NAALADL2: variants seen among roughly 807,000 people sequenced by gnomAD.
NAALADL2 encodes N-acetylated alpha-linked acidic dipeptidase like 2.
NAALADL2 carries 76 observed loss-of-function variants against 87.2 expected under a neutral mutation model. That is an observed-to-expected ratio of 0.87 (90% CI 0.72 to 1.05). The LOEUF is 1.05. Ranked by LOEUF, NAALADL2 falls within the 50% of genes least tolerant of loss-of-function variation. The pLI, the probability that NAALADL2 is intolerant of heterozygous loss-of-function variation, is 0.00. For synonymous variants in NAALADL2, 354 were observed against 331.0 expected (o/e 1.07, Z -0.75); for missense variants, 1,089 against 945.8 (o/e 1.15, Z -1.99).
chr3:174,937,139 T>G (rs764630582), intron 1 of NAALADL2, among the ~76,000 whole-genome samples: 1 of 152,052 alleles, frequency 6.6e-6, no homozygotes, highest in Non-Finnish European at 1.5e-5. Flanking sequence ...GCTCTAAGAA[T>G]TTTAACACTT....
intron 9 of NAALADL2, among the ~76,000 whole-genome samples, chr3:175,473,383 G>T (rs1725177821): frequency 9.8e-6 from 1 of 102,100 alleles, no homozygotes. Flanking sequence ...ACTGGAATGT[G>T]TATAGAAAAT....
At chr3:175,227,003 C>G (rs1192075407) in intron 2 of NAALADL2, among the ~76,000 whole-genome samples, 1 of 151,956 alleles carries the variant, frequency 6.6e-6, no homozygotes, top group Non-Finnish European at 1.5e-5. Flanking sequence ...AAATGTTTGA[C>G]TTTTTAATAC....
intron 2 of NAALADL2, among the ~76,000 whole-genome samples, chr3:175,172,060 C>T (rs1204502358): frequency 6.6e-6 from 1 of 152,028 alleles, no homozygotes; most frequent in Non-Finnish European, 1.5e-5. Flanking sequence ...GAAGAGAGGA[C>T]TTGAAATGTC....
At chr3:175,473,072 A>G (rs1582035881) in intron 9 of NAALADL2, among the ~76,000 whole-genome samples, 1 of 152,132 alleles carries the variant, frequency 6.6e-6, no homozygotes, top group East Asian at 1.9e-4. Flanking sequence ...AAGATATTTA[A>G]TCATTGAAAT....
intron 1 of NAALADL2, among the ~76,000 whole-genome samples, chr3:174,494,331 C>T (rs1364713249): frequency 6.6e-6 from 1 of 152,016 alleles, no homozygotes; most frequent in Admixed American, 6.6e-5. Flanking sequence ...ATTCTAATGT[C>T]ATATTAAGGA....
intron 10 of NAALADL2, among the ~76,000 whole-genome samples, chr3:175,613,410 C>A (rs1387913522): frequency 6.6e-6 from 1 of 152,110 alleles, no homozygotes; most frequent in East Asian, 1.9e-4. Context: ...GAAGAATGGG[C>A]AAGCGAAGAT....
intron 9 of NAALADL2, among the ~76,000 whole-genome samples, chr3:175,546,829 G>T (rs1332020843): frequency 6.6e-6 from 1 of 151,922 alleles, no homozygotes; most frequent in African/African-American, 2.4e-5. Flanking sequence ...TAGATAATCT[G>T]CTAATTAAAT....
Position 174,459,418 on chromosome 3 carries a change from A to G in NAALADL2, c.-184+18386A>G, listed in dbSNP as rs138821372. The G allele has an allele frequency of 6.2e-3, 948 of 152,274 alleles. 4 individuals carry two copies. The highest frequency in any genetic ancestry group is 8.8e-3 in the Non-Finnish European group (598 of 68,026). 9.4% of individuals were successfully genotyped at this position (152,274 alleles called of 1,614,324 possible). On this transcript the variant is annotated intron_variant, in intron 1 of 3. Coordinates refer to the NAALADL2 transcript ENST00000434257. ...TACAATGGAGGAGATGTCCGCTTTGAGGATAGTGGGAAAGTAGGGAAATGA... is the reference window on the plus strand; with the variant it reads ...TACAATGGAGGAGATGTCCGCTTTGGGGATAGTGGGAAAGTAGGGAAATGA...
At chr3:174,664,932 G>A (rs1259300477) in intron 2 of NAALADL2, among the ~76,000 whole-genome samples, 1 of 152,192 alleles carries the variant, frequency 6.6e-6, no homozygotes, top group Non-Finnish European at 1.5e-5. Flanking sequence ...ATCTTAAGAT[G>A]GAAGAATTTT....
chr3:175,498,303 A>G (rs1233070731), intron 9 of NAALADL2, among the ~76,000 whole-genome samples: 1 of 152,118 alleles, frequency 6.6e-6, no homozygotes, highest in Admixed American at 6.6e-5. Flanking sequence ...ATCAGAGAAA[A>G]TACCAATTTG....
chr3:174,539,524 ACTTACTTATGACCTGC>A (rs1157432417), intron 1 of NAALADL2, among the ~76,000 whole-genome samples: 1 of 151,862 alleles, frequency 6.6e-6, no homozygotes, highest in Admixed American at 6.6e-5. Context: ...CATTCTAGAG[ACTTACTTATGACCTGC>A]CTTTCTGGCG....
intron 5 of NAALADL2, among the ~76,000 whole-genome samples, chr3:175,421,433 T>G (rs1260277632): frequency 6.6e-6 from 1 of 152,082 alleles, no homozygotes; most frequent in Non-Finnish European, 1.5e-5. Flanking sequence ...GTCACTGTGA[T>G]GCACACTAAA....
intron 1 of NAALADL2, among the ~76,000 whole-genome samples, chr3:174,987,365 C>T (rs989838216): frequency 6.6e-6 from 1 of 150,756 alleles, no homozygotes; most frequent in African/African-American, 2.4e-5. Flanking sequence ...GTCAGGAGAT[C>T]GAGACCATCC....
intron 4 of NAALADL2, among the ~76,000 whole-genome samples, chr3:175,260,069 A>C (rs1750753322): frequency 6.6e-6 from 1 of 152,122 alleles, no homozygotes; most frequent in South Asian, 2.1e-4. Flanking sequence ...AATACTGAAA[A>C]TCTTCACCAG....
intron 1 of NAALADL2, among the ~76,000 whole-genome samples, chr3:174,938,177 A>G (rs1579623234): frequency 6.6e-6 from 1 of 151,586 alleles, no homozygotes; most frequent in African/African-American, 2.4e-5. Context: ...CCTTCCTCCC[A>G]CCCTGCACTC....
chr3:174,601,694 G>T (rs1441075204), intron 2 of NAALADL2, among the ~76,000 whole-genome samples: 1 of 152,006 alleles, frequency 6.6e-6, no homozygotes, highest in African/African-American at 2.4e-5. Context: ...CTGTGCCTGT[G>T]GGGTATTTCT....
At chr3:175,149,445 C>G (rs1048762606) in intron 2 of NAALADL2, among the ~76,000 whole-genome samples, 7 of 152,118 alleles carry the variant, frequency 4.6e-5, no homozygotes, top group African/African-American at 1.7e-4. Context: ...AAACTCACAT[C>G]TCCTAATCAA....
rs1475347744 is a variant in NAALADL2, at chr3:175,206,260, A to AT, written c.546-27670dup. ...GATAAAAAACTATATATATATATAT[A>AT]TATTTTTTTTTTTCACTGTGTGTGT... On this transcript the variant is annotated intron_variant, in intron 2 of 13. Transcript: ENST00000454872. 6.3e-4 allele frequency among the ~76,000 whole-genome samples: 58 copies of AT among 92,654 alleles called. 2 individuals are homozygous for AT. The highest frequency in any genetic ancestry group is 2.9e-3 in the African/African-American group (40 of 13,878). The allele number at this position is 92,654 out of a possible 152,430, so 60.8% of individuals were successfully genotyped here. A position where few individuals can be genotyped will look rare whatever the true frequency, so the allele number is the denominator to read the frequency against.
At chr3:174,566,534 T>C (rs1263164899) in intron 2 of NAALADL2, among the ~76,000 whole-genome samples, 2 of 151,828 alleles carry the variant, frequency 1.3e-5, no homozygotes, top group African/African-American at 4.8e-5. Context: ...TTTTTAGTCA[T>C]TTCTCTTCAT....
Sources: allele counts gnomAD v4.1 joint callset (sites outside exome capture counted in the v4.1 genomes callset), GRCh38; gene constraint gnomAD v4.1.1; transcripts MANE v1.5; gene names NCBI Gene and HGNC (gene_info 2026-07-23, HGNC 2026-07-21).